The following KIRREL1 variants were observed in gnomAD, a reference collection of about 807,000 sequenced individuals.
KIRREL1 encodes the protein kin of IRRE-like protein 1.
In KIRREL1, 25 loss-of-function variants were observed where a neutral mutation model predicts 83.3. That is an observed-to-expected ratio of 0.30 (90% CI 0.22 to 0.42). The LOEUF (loss-of-function observed/expected upper bound fraction) is 0.42, where lower values mean the gene tolerates loss of function less well. Ranked by LOEUF, KIRREL1 falls within the 10% of genes least tolerant of loss-of-function variation. KIRREL1 has a pLI of 1.00. For missense variants in KIRREL1, 812 were observed against 1,032.3 expected, an observed-to-expected ratio of 0.79 and a Z score of 2.92; for synonymous variants, 388 against 410.4, an observed-to-expected ratio of 0.95 and a Z score of 0.66.
At chr1:157,994,177 C>T (rs2101609704) in intron 1 of KIRREL1, among the ~76,000 whole-genome samples, 1 of 152,268 alleles carries the variant, frequency 6.6e-6, no homozygotes, top group African/African-American at 2.4e-5. Flanking sequence ...GTCCCACCTC[C>T]CGAAGATGTT....
In KIRREL1 at chr1:158,089,790, T is replaced by C. The variant is rs375141355; in HGVS notation, c.1244T>C (p.Ile415Thr). 4.0e-5 allele frequency: 64 copies of C among 1,613,938 alleles called. No individual in the cohort carries two copies. The highest frequency in any genetic ancestry group is 4.6e-5 in the Non-Finnish European group (54 of 1,180,012). ...GACGGTGGCAAGGTGGAGTGTTTCA[T>C]TGGGAGCACACCACCCCCAGACCGC... Reference protein sequence around the residue: ...RGDGGKVECFIGSTPPPDRIA... With the variant: ...RGDGGKVECFTGSTPPPDRIA... The change falls in exon 10 of 15, where the codon ATT becomes ACT. Residue 415 changes from isoleucine (I) to threonine (T), a missense_variant. Ile to Thr is a moderately conservative substitution (Grantham distance 89, BLOSUM62 -1). Around this residue, in one of 3 missense-constraint regions of KIRREL1, gnomAD observed 472 missense variants for 626.8 expected, o/e 0.75. Transcript: ENST00000359209.
At chr1:158,023,533 AT>A (rs1306837211) in intron 1 of KIRREL1, among the ~76,000 whole-genome samples, 1 of 152,146 alleles carries the variant, frequency 6.6e-6, no homozygotes, top group African/African-American at 2.4e-5. Context: ...AATTACAGGA[AT>A]CCCCACACCA....
rs182273947 is a variant in KIRREL1 at position 158,001,642 on chromosome 1, C to T, written c.52+7914C>T. On this transcript the variant is annotated intron_variant, in intron 1 of 14. Coordinates refer to ENST00000359209, the MANE Select transcript of KIRREL1 (RefSeq NM_018240.7). ...GGAGGAAGTGGGGCCCAAGGATGGA[C>T]AGGACATGGATGTGGCAGGAAGAGG... 3.3e-3 allele frequency among the ~76,000 whole-genome samples: 502 copies of T among 152,178 alleles called. 2 individuals carry two copies. The highest frequency in any genetic ancestry group is 0.011 in the African/African-American group (472 of 41,512).
rs111727061 is a variant in KIRREL1, at chr1:158,049,911, C to A, written c.53-26202C>A. Among the ~76,000 whole-genome samples the A allele has an allele frequency of 2.2e-3, 333 of 152,218 alleles. 3 individuals are homozygous for A. Among genetic ancestry groups the A allele is most frequent in the African/African-American group, 7.4e-3 (306 of 41,534 alleles). On this transcript the variant is annotated intron_variant, in intron 1 of 14. Transcript: ENST00000359209. ...CTGAAAAGACCCGTATTACAGCAAC[C>A]ATGGACCCTCAGTGAATTGGGGAGG...
chr1:158,002,169 G>A (rs1659378543), intron 1 of KIRREL1, among the ~76,000 whole-genome samples: 1 of 152,198 alleles, frequency 6.6e-6, no homozygotes, highest in Non-Finnish European at 1.5e-5. Context: ...CTTTTCCTCT[G>A]AGAATACTTC....
chr1:158,014,123 A>T (rs1162773010), intron 1 of KIRREL1, among the ~76,000 whole-genome samples: 1 of 151,970 alleles, frequency 6.6e-6, no homozygotes. Context: ...AGGTGATGAT[A>T]AAAAAACAGA....
Position 158,094,431 on chromosome 1 carries a change from G to T in KIRREL1, c.1797+41G>T. 6.3e-7 allele frequency: 1 copy of T among 1,585,088 alleles called. No individual in the cohort carries two copies. The highest frequency in any genetic ancestry group is 2.2e-5 in the East Asian group (1 of 44,558). ...GGGGCCAGGGCATGAGGGCTGGTGG[G>T]CCAGTGGGTTTCTGAGGTCCTGTAG... On this transcript the variant is annotated intron_variant, in intron 14 of 14. Coordinates refer to ENST00000359209, the MANE Select transcript of KIRREL1 (RefSeq NM_018240.7). This position sits in a 1 kb window ranked among gnomAD's most constrained non-coding sequence, Gnocchi z 4.6.
In KIRREL1 at chr1:158,051,922, G is replaced by A. The variant is rs569040076; in HGVS notation, c.53-24191G>A. Among the ~76,000 whole-genome samples the A allele has an allele frequency of 1.1e-4, 16 of 152,158 alleles. No homozygotes were observed. In the South Asian group the frequency reaches 3.3e-3, roughly 32 times the overall value. ...CTTCTCCTAATCATTAAATCCTGTTGATTCTACCCCTTCATTTATTTCATA... is the reference window on the plus strand; with the variant it reads ...CTTCTCCTAATCATTAAATCCTGTTAATTCTACCCCTTCATTTATTTCATA... On this transcript the variant is annotated intron_variant, in intron 1 of 14. Transcript: ENST00000359209.
intron 1 of KIRREL1, among the ~76,000 whole-genome samples, chr1:157,995,143 CTGCGTTTGTAGGTG>C (rs1208384569): frequency 6.6e-6 from 1 of 152,198 alleles, no homozygotes; most frequent in Non-Finnish European, 1.5e-5. Context: ...TGTTCCCTTC[CTGCGTTTGTAGGTG>C]GTGTGTTATG....
chr1:158,066,816 A>G, intron 1 of KIRREL1, among the ~76,000 whole-genome samples: 1 of 151,976 alleles, frequency 6.6e-6, no homozygotes, highest in East Asian at 1.9e-4. Context: ...TTAGCCTCCT[A>G]TCTGAACTAA....
At position 158,028,414 on chromosome 1, in the gene KIRREL1, G is replaced by C. The variant is rs140403654; in HGVS notation, c.52+34686G>C. 1.4e-4 allele frequency among the ~76,000 whole-genome samples: 21 copies of C among 152,290 alleles called. No homozygotes were observed. The East Asian group carries it at 3.7e-3, about 27-fold the overall frequency. ...GTTAATGCAACTTAAATGAAATTTA[G>C]GGAGAATTTGGGTTGCTTCTTTCCT... is the stretch of plus-strand genomic sequence containing the variant. On this transcript the variant is annotated intron_variant, in intron 1 of 14. Transcript: ENST00000359209.
chr1:158,048,750 A>G (rs1448141534), intron 1 of KIRREL1, among the ~76,000 whole-genome samples: 1 of 152,232 alleles, frequency 6.6e-6, no homozygotes, highest in East Asian at 1.9e-4. Flanking sequence ...CAGTAAATAC[A>G]TGTCTGGATG....
chr1:158,057,634 T>G (rs921927184), intron 1 of KIRREL1, among the ~76,000 whole-genome samples: 10 of 152,206 alleles, frequency 6.6e-5, no homozygotes, highest in Non-Finnish European at 8.8e-5. Flanking sequence ...AATATTTTTT[T>G]GGGGTCGCCC....
chr1:158,011,303 A>T (rs1659681383), intron 1 of KIRREL1, among the ~76,000 whole-genome samples: 1 of 152,230 alleles, frequency 6.6e-6, no homozygotes, highest in African/African-American at 2.4e-5. Context: ...AAAACTAACA[A>T]ACGACAAACC....
chr1:158,038,483 C>T (rs1010134632), intron 1 of KIRREL1, among the ~76,000 whole-genome samples: 34 of 128,278 alleles, frequency 2.7e-4, no homozygotes, highest in African/African-American at 9.4e-4. Flanking sequence ...GTGGCTCTTC[C>T]TCTTTTTTTT....
At chr1:158,036,637 T>C (rs904996411) in intron 1 of KIRREL1, among the ~76,000 whole-genome samples, 1 of 152,094 alleles carries the variant, frequency 6.6e-6, no homozygotes, top group Non-Finnish European at 1.5e-5. Context: ...GAGAGGCGCT[T>C]GATGGAGGAG....
In KIRREL1 at chr1:158,093,740, G is replaced by A. The variant is rs1341055029; in HGVS notation, c.1697G>A (p.Arg566Gln). ...ACCGCCAGCGTCTCCACAGCAACCC[G>A]GGTCATGAAGGCCATCTACTCGGTG... Reference protein sequence around the residue: ...DDTASVSTATRVMKAIYSSFK... With the variant: ...DDTASVSTATQVMKAIYSSFK... The change falls in exon 13 of 15, where the codon CGG becomes CAG. Residue 566 changes from arginine to glutamine, a missense_variant. By Grantham distance (43) the Arg-to-Gln change is conservative (BLOSUM62 1). This residue lies in a region of KIRREL1 where 334 missense variants were observed against 383.7 expected (regional missense o/e 0.87). Coordinates refer to ENST00000359209, the MANE Select transcript of KIRREL1 (RefSeq NM_018240.7). 8 of 1,614,102 alleles carry A rather than the reference G, an allele frequency of 5.0e-6. No homozygotes were observed. Among genetic ancestry groups the A allele is most frequent in the African/African-American group, 2.7e-5 (2 of 75,020 alleles).
chr1:158,003,288 G>A (rs899968079), intron 1 of KIRREL1, among the ~76,000 whole-genome samples: 3 of 152,152 alleles, frequency 2.0e-5, no homozygotes, highest in Non-Finnish European at 4.4e-5. Flanking sequence ...GAGAGAGAAG[G>A]CATTTCAAAG....
chr1:158,038,079 G>A (rs1468049528), intron 1 of KIRREL1, among the ~76,000 whole-genome samples: 1 of 152,176 alleles, frequency 6.6e-6, no homozygotes, highest in South Asian at 2.1e-4. Flanking sequence ...TGGGGAGCTC[G>A]TCTCAGGCCT....
Sources: gnomAD v4.1 joint callset for allele counts (sites outside exome capture counted in the v4.1 genomes callset) on GRCh38, gnomAD v4.1.1 for gene constraint, gnomAD v4.1.1 regional missense constraint, Gnocchi (gnomAD v3.1) non-coding constraint, MANE v1.5 for transcripts, NCBI Gene and HGNC (gene_info 2026-07-23, HGNC 2026-07-21) for gene names.